TM9SF2: variants seen among roughly 807,000 people sequenced by gnomAD.
The protein encoded by TM9SF2 is 76 kDa membrane protein.
A neutral mutation model predicts 84.9 loss-of-function variants in TM9SF2; 13 were observed. That is an observed-to-expected ratio of 0.15 (90% CI 0.10 to 0.24). The LOEUF is 0.24. Ranked by LOEUF, TM9SF2 falls within the 10% of genes least tolerant of loss-of-function variation. The pLI, the probability that TM9SF2 is intolerant of heterozygous loss-of-function variation, is 1.00. For synonymous variants in TM9SF2, 273 were observed against 285.8 expected (o/e 0.96, Z 0.45); for missense variants, 562 against 818.5 (o/e 0.69, Z 3.82).
rs371050078 is a variant in TM9SF2, at chr13:99,537,415, G to A, written c.592-324G>A. Among the ~76,000 whole-genome samples the A allele has an allele frequency of 6.6e-5, 10 of 152,204 alleles. 1 individual carries two copies. In the East Asian group the frequency reaches 7.7e-4, roughly 12 times the overall value. ...TTCCAGGCAGGAAAAGTGTTTAAAT[G>A]TATAAGCATTAGTGTGCTCATAATA... On this transcript the variant is annotated intron_variant, in intron 5 of 16. Coordinates refer to ENST00000376387, the MANE Select transcript of TM9SF2 (RefSeq NM_004800.3).
intron 3 of TM9SF2, among the ~76,000 whole-genome samples, chr13:99,525,853 C>A (rs555766660): frequency 6.6e-6 from 1 of 152,262 alleles, no homozygotes; most frequent in South Asian, 2.1e-4. Context: ...CCGCGCCCGG[C>A]CAGGAGGACT....
At chr13:99,514,944 G>C (rs2046127893) in intron 1 of TM9SF2, among the ~76,000 whole-genome samples, 1 of 152,210 alleles carries the variant, frequency 6.6e-6, no homozygotes, top group South Asian at 2.1e-4. Flanking sequence ...CTGTTCTACA[G>C]ATCAGAACGT....
chr13:99,544,489 C>G (rs1178076579), intron 10 of TM9SF2, among the ~76,000 whole-genome samples: 1 of 152,208 alleles, frequency 6.6e-6, no homozygotes, highest in East Asian at 1.9e-4. Flanking sequence ...CTCCCTTCAG[C>G]TCTTCCTAGA....
chr13:99,550,291 T>G (rs972309067), intron 12 of TM9SF2, among the ~76,000 whole-genome samples: 3 of 152,196 alleles, frequency 2.0e-5, no homozygotes, highest in Non-Finnish European at 4.4e-5. Context: ...AAAAAAATAG[T>G]CTCTACTCCT....
chr13:99,515,653 G>A (rs930789406), intron 1 of TM9SF2, among the ~76,000 whole-genome samples: 4 of 151,730 alleles, frequency 2.6e-5, no homozygotes, highest in Admixed American at 6.6e-5. Flanking sequence ...CAAATGCATA[G>A]CATTTCATGT....
At chr13:99,506,155 G>A (rs553710780) in intron 1 of TM9SF2, among the ~76,000 whole-genome samples, 93 of 152,290 alleles carry the variant, frequency 6.1e-4, no homozygotes, top group Non-Finnish European at 3.7e-4. Flanking sequence ...GAGCAGTTGT[G>A]TATAAATATT....
intron 10 of TM9SF2, 40 bp from the exon 11 acceptor site, chr13:99,546,945 G>T (rs757954901): frequency 6.2e-7 from 1 of 1,612,130 alleles, no homozygotes; most frequent in South Asian, 1.1e-5. Context: ...AAAGGAAACA[G>T]AGTAATAACA....
chr13:99,541,878 G>A (rs1382427009), intron 9 of TM9SF2: 13 of 361,828 alleles, frequency 3.6e-5, no homozygotes, highest in Admixed American at 2.2e-4. Flanking sequence ...GGCTGGGCGC[G>A]GTGGCTCACA....
chr13:99,543,630 A>G (rs2046270126), intron 9 of TM9SF2, among the ~76,000 whole-genome samples: 1 of 152,234 alleles, frequency 6.6e-6, no homozygotes, highest in Non-Finnish European at 1.5e-5. Context: ...CAATAAGTAT[A>G]TTTGTAGACC....
intron 9 of TM9SF2, among the ~76,000 whole-genome samples, chr13:99,542,760 G>A (rs907877660): frequency 6.6e-6 from 1 of 151,738 alleles, no homozygotes; most frequent in African/African-American, 2.4e-5. Context: ...TTTATAATTG[G>A]CTGTTCCACA....
chr13:99,550,005 C>G (rs1401741974), intron 12 of TM9SF2, among the ~76,000 whole-genome samples: 1 of 152,204 alleles, frequency 6.6e-6, no homozygotes, highest in Non-Finnish European at 1.5e-5. Flanking sequence ...CTATGCTTTT[C>G]TCAAGCCATG....
Position 99,501,518 on chromosome 13 carries a change from G to C in TM9SF2, c.-89G>C, listed in dbSNP as rs1355459851. 6.7e-7 allele frequency: 1 copy of C among 1,489,160 alleles called. No homozygotes were observed. Among genetic ancestry groups the C allele is most frequent in the Non-Finnish European group, 9.0e-7 (1 of 1,109,680 alleles). 92.2% of individuals were successfully genotyped at this position (1,489,160 alleles called of 1,614,324 possible). A position where few individuals can be genotyped will look rare whatever the true frequency, so the allele number is the denominator to read the frequency against. Reference sequence around the variant, plus strand: ...CTGGGGGCCGGCTTCCTTTATCTCTGGCGGCCTTGTAGTCGTCTCCGAGAC... The same window carrying C: ...CTGGGGGCCGGCTTCCTTTATCTCTCGCGGCCTTGTAGTCGTCTCCGAGAC... On this transcript the variant is annotated 5_prime_UTR_variant, in exon 1 of 17. Transcript: ENST00000376387.
intron 3 of TM9SF2, among the ~76,000 whole-genome samples, chr13:99,522,859 G>C (rs547156152): frequency 6.6e-6 from 1 of 152,202 alleles, no homozygotes; most frequent in Non-Finnish European, 1.5e-5. Context: ...ACTGTTCCTT[G>C]CTCATACACA....
chr13:99,502,456 CAAA>C (rs750554035), intron 1 of TM9SF2, among the ~76,000 whole-genome samples: 5 of 151,918 alleles, frequency 3.3e-5, no homozygotes, highest in African/African-American at 1.2e-4. Context: ...TTTTAATACA[CAAA>C]AAAAGATACG....
At chr13:99,534,908 G>A (rs896223789) in intron 4 of TM9SF2, among the ~76,000 whole-genome samples, 3 of 152,176 alleles carry the variant, frequency 2.0e-5, no homozygotes, top group African/African-American at 7.2e-5. Flanking sequence ...CCAGCACTTT[G>A]GGAGACCAGG....
chr13:99,537,685 T>C (rs2046240398), intron 5 of TM9SF2, 54 bp from the exon 6 acceptor site: 1 of 1,458,026 alleles, frequency 6.9e-7, no homozygotes. Context: ...GTTTTAAGTT[T>C]TGACTCTTAT....
chr13:99,528,260 G>A (rs1019432164), intron 3 of TM9SF2, among the ~76,000 whole-genome samples: 3 of 152,172 alleles, frequency 2.0e-5, no homozygotes, highest in Non-Finnish European at 2.9e-5. Flanking sequence ...CATGTTCTCC[G>A]GAGCTCAACT....
Position 99,554,300 on chromosome 13 carries a change from G to A in TM9SF2, c.1489-4G>A. ...TGAATTCTTCCTTCCTTTTTTTACT[G>A]AAGGCCATTGAACACCCAGTTCGAA... On this transcript the variant is annotated splice_polypyrimidine_tract_variant and splice_region_variant and intron_variant, in intron 13 of 16. Coordinates refer to ENST00000376387, the MANE Select transcript of TM9SF2 (RefSeq NM_004800.3). The A allele has an allele frequency of 6.2e-7, 1 of 1,601,844 alleles. No individual in the cohort carries two copies. Among genetic ancestry groups the A allele is most frequent in the Non-Finnish European group, 8.5e-7 (1 of 1,175,214 alleles).
intron 12 of TM9SF2, among the ~76,000 whole-genome samples, 179 bp from the exon 13 acceptor site, chr13:99,551,988 A>G (rs1480390787): frequency 6.6e-6 from 1 of 152,254 alleles, no homozygotes; most frequent in African/African-American, 2.4e-5. Flanking sequence ...AGGCAAACCC[A>G]ATCTGAAGAG....
Sources: gnomAD v4.1 joint callset for allele counts (sites outside exome capture counted in the v4.1 genomes callset) on GRCh38, gnomAD v4.1.1 for gene constraint, MANE v1.5 for transcripts, NCBI Gene and HGNC (gene_info 2026-07-23, HGNC 2026-07-21) for gene names.